The following ABI3BP variants were observed in gnomAD, a reference collection of about 807,000 sequenced individuals.
ABI3BP encodes ABI family member 3 binding protein, also known as target of Nesh-SH3.
In ABI3BP, 216 loss-of-function variants were observed where a neutral mutation model predicts 268.6. The ratio of observed to expected loss-of-function variants is 0.80; its 90% confidence interval spans 0.72 to 0.90. ABI3BP has a LOEUF of 0.90. Ranked by LOEUF, ABI3BP falls within the 40% of genes least tolerant of loss-of-function variation. The pLI is 0.00. For missense variants in ABI3BP, 2,090 were observed against 2,182.4 expected (o/e 0.96, Z 0.84); for synonymous variants, 730 against 730.0 (o/e 1.00, Z 0.00).
chr3:100,909,580 C>T (rs1373571328), intron 2 of ABI3BP, among the ~76,000 whole-genome samples: 1 of 152,042 alleles, frequency 6.6e-6, no homozygotes, highest in Non-Finnish European at 1.5e-5. Context: ...AAAAAAAAAA[C>T]AAACATCCCC....
At chr3:100,838,129 T>G (rs1270178274) in intron 26 of ABI3BP, 81 bp downstream of exon 26, 5 of 1,388,178 alleles carry the variant, frequency 3.6e-6, no homozygotes, top group Non-Finnish European at 4.9e-6. Context: ...ATGATTTATA[T>G]GATATGACAG....
In ABI3BP at chr3:100,779,555, A is replaced by G. The variant is rs550636997; in HGVS notation, c.4240+577T>C. The stretch of plus-strand genomic sequence containing the variant: ...ACATATGTTGGTTTTAAAATCTTCA[A>G]GAAAAATTGTTAATCCAGGAAAATG... On this transcript the variant is annotated intron_variant, in intron 58 of 67. Coordinates refer to ENST00000471714, the MANE Select transcript of ABI3BP (RefSeq NM_001375547.2). Among the ~76,000 whole-genome samples the G allele has an allele frequency of 1.0e-3, 158 of 152,292 alleles. 1 individual carries two copies. The highest frequency in any genetic ancestry group is 3.7e-3 in the African/African-American group (154 of 41,574).
intron 2 of ABI3BP, among the ~76,000 whole-genome samples, chr3:100,916,042 C>A (rs1032075689): frequency 6.6e-6 from 1 of 152,142 alleles, no homozygotes; most frequent in Non-Finnish European, 1.5e-5. Flanking sequence ...TTTTTCCTTG[C>A]CCGTGTTTTA....
In ABI3BP at chr3:100,749,655, T is replaced by C; in HGVS notation, c.*840A>G. 1 of 398,542 alleles carries C rather than the reference T, an allele frequency of 2.5e-6. No homozygotes were observed. The allele number at this position is 398,542 out of a possible 1,614,324, so 24.7% of individuals were successfully genotyped here. A position where few individuals can be genotyped will look rare whatever the true frequency, so the allele number is the denominator to read the frequency against. On this transcript the variant is annotated 3_prime_UTR_variant, in exon 68 of 68. Coordinates refer to ENST00000471714, the MANE Select transcript of ABI3BP (RefSeq NM_001375547.2). The stretch of plus-strand genomic sequence containing the variant: ...TCCTATAAAATGGTAGGCAATCTCA[T>C]CGTGCATTATCTTTTTGTGCTCAGA...
chr3:100,754,546 A>G, intron 64 of ABI3BP, 66 bp downstream of exon 64: 2 of 1,454,394 alleles, frequency 1.4e-6, no homozygotes, highest in Middle Eastern at 1.7e-4. Context: ...CAAACTTCCT[A>G]CGCAAAACAT....
chr3:100,928,806 AC>A (rs1454540239), intron 1 of ABI3BP, among the ~76,000 whole-genome samples: 6 of 152,036 alleles, frequency 3.9e-5, no homozygotes, highest in African/African-American at 1.4e-4. Context: ...TCTAGGCTGG[AC>A]TGCACTGCTC....
chr3:100,818,601 T>C lies in ABI3BP; in HGVS notation c.3032-20A>G, dbSNP rs2098122566. On this transcript the variant is annotated intron_variant, in intron 40 of 67. Transcript: ENST00000471714. The stretch of plus-strand genomic sequence containing the variant: ...AAGGAACTAATTAAAAGCAATGAAA[T>C]AAACTTGTGAAAAGCCAGTAAATTA... 2.0e-6 allele frequency: 3 copies of C among 1,525,734 alleles called. No homozygotes were observed. The highest frequency in any genetic ancestry group is 1.4e-5 in the African/African-American group (1 of 72,908). 94.5% of individuals were successfully genotyped at this position (1,525,734 alleles called of 1,614,324 possible). A position where few individuals can be genotyped will look rare whatever the true frequency, so the allele number is the denominator to read the frequency against.
chr3:100,968,928 T>TA (rs1292349538), intron 1 of ABI3BP, among the ~76,000 whole-genome samples: 1 of 151,846 alleles, frequency 6.6e-6, no homozygotes, highest in South Asian at 2.1e-4. Context: ...TTTGCTGTCT[T>TA]AAAAAAAAGT....
chr3:100,992,893 T>G (rs1184938594), intron 1 of ABI3BP, among the ~76,000 whole-genome samples: 3 of 152,214 alleles, frequency 2.0e-5, no homozygotes, highest in African/African-American at 7.2e-5. Flanking sequence ...CACCAAAGAT[T>G]CAAGGTTTCA....
intron 63 of ABI3BP, among the ~76,000 whole-genome samples, chr3:100,760,056 T>G (rs2095855212): frequency 6.6e-6 from 1 of 152,170 alleles, no homozygotes; most frequent in South Asian, 2.1e-4. Context: ...TGCCAACATT[T>G]TATTAAATCA....
chr3:100,919,905 C>G (rs974729965), intron 2 of ABI3BP, among the ~76,000 whole-genome samples: 43 of 152,186 alleles, frequency 2.8e-4, no homozygotes, highest in African/African-American at 1.0e-3. Flanking sequence ...CCTGATGACT[C>G]TCTTCACCAA....
intron 1 of ABI3BP, among the ~76,000 whole-genome samples, chr3:100,946,335 T>G (rs2072256229): frequency 6.7e-6 from 1 of 148,710 alleles, no homozygotes; most frequent in Non-Finnish European, 1.5e-5. Context: ...ATGCCACACA[T>G]TCCAGCTTGG....
chr3:100,791,106 T>C (rs1228764570), intron 55 of ABI3BP, among the ~76,000 whole-genome samples: 3 of 151,852 alleles, frequency 2.0e-5, no homozygotes, highest in Admixed American at 6.6e-5. Context: ...GTACAAGAGC[T>C]AAGGATATAA....
chr3:100,797,228 T>G (rs989523830), intron 51 of ABI3BP, among the ~76,000 whole-genome samples: 1 of 152,094 alleles, frequency 6.6e-6, no homozygotes, highest in Non-Finnish European at 1.5e-5. Flanking sequence ...TTTTAATGTT[T>G]GTGTTCTATT....
chr3:100,875,500 C>G lies in ABI3BP; in HGVS notation c.817+8G>C. On this transcript the variant is annotated splice_region_variant and intron_variant, in intron 8 of 67. Coordinates refer to ENST00000471714, the MANE Select transcript of ABI3BP (RefSeq NM_001375547.2). The stretch of plus-strand genomic sequence containing the variant: ...TTAATCTCGGCATAGATTTCGAGAT[C>G]CACTCACCTAGTATCACTCCTCCCA... 6.3e-7 allele frequency: 1 copy of G among 1,599,634 alleles called. No homozygotes were observed. The highest frequency in any genetic ancestry group is 2.2e-5 in the East Asian group (1 of 44,802).
chr3:100,817,332 A>T, intron 42 of ABI3BP, 104 bp downstream of exon 42: 1 of 762,258 alleles, frequency 1.3e-6, no homozygotes, highest in Non-Finnish European at 2.0e-6. Flanking sequence ...GCAGAAGATG[A>T]CAAGATAGTC....
intron 1 of ABI3BP, among the ~76,000 whole-genome samples, chr3:100,935,362 G>A (rs2065603168): frequency 6.6e-6 from 1 of 152,130 alleles, no homozygotes; most frequent in Non-Finnish European, 1.5e-5. Context: ...CAAGTACCAT[G>A]ATGTTTTTGT....
intron 4 of ABI3BP, among the ~76,000 whole-genome samples, chr3:100,891,486 A>G (rs1415075023): frequency 3.3e-5 from 5 of 152,212 alleles, no homozygotes; most frequent in Non-Finnish European, 7.3e-5. Flanking sequence ...TGACAACCCT[A>G]TGATATTACT....
chr3:100,988,507 C>T (rs1163316508), intron 1 of ABI3BP, among the ~76,000 whole-genome samples: 2 of 152,150 alleles, frequency 1.3e-5, no homozygotes, highest in Non-Finnish European at 2.9e-5. Context: ...GAAAGCCCCT[C>T]ACCTCTCAGC....
Sources: allele counts gnomAD v4.1 joint callset (sites outside exome capture counted in the v4.1 genomes callset), GRCh38; gene constraint gnomAD v4.1.1; transcripts MANE v1.5; gene names NCBI Gene and HGNC (gene_info 2026-07-23, HGNC 2026-07-21).